C2orf42: variants seen among roughly 807,000 people sequenced by gnomAD.
C2orf42 encodes chromosome 2 open reading frame 42, also known as uncharacterized protein C2orf42.
Under a neutral mutation model 58.9 loss-of-function variants are expected in C2orf42, and 44 were observed. The ratio of observed to expected loss-of-function variants is 0.75; its 90% CI spans 0.59 to 0.96. C2orf42 has a LOEUF of 0.96. C2orf42 is among the 40% of genes least tolerant of loss of function. The pLI, the probability that C2orf42 is intolerant of heterozygous loss-of-function variation, is 0.00. For missense variants in C2orf42, 630 were observed against 699.2 expected (o/e 0.90, Z 1.12); for synonymous variants, 239 against 265.4 (o/e 0.90, Z 0.97).
chr2:70,154,024 G>A (rs1429087033), intron 9 of C2orf42, among the ~76,000 whole-genome samples: 8 of 150,834 alleles, frequency 5.3e-5, no homozygotes, highest in African/African-American at 2.0e-4. Flanking sequence ...CTGCACTCCA[G>A]CCTGGGTGAC....
intron 9 of C2orf42, among the ~76,000 whole-genome samples, chr2:70,158,544 G>A (rs1672847441): frequency 6.6e-6 from 1 of 152,018 alleles, no homozygotes; most frequent in African/African-American, 2.4e-5. Context: ...CCACCTCCTG[G>A]GTTCAAGCAA....
At chr2:70,172,367 A>G (rs1673883537) in intron 5 of C2orf42, among the ~76,000 whole-genome samples, 1 of 151,762 alleles carries the variant, frequency 6.6e-6, no homozygotes, top group South Asian at 2.1e-4. Flanking sequence ...CAGATCTATC[A>G]TTCTATTTCT....
At chr2:70,169,404 G>A (rs909037562) in intron 6 of C2orf42, among the ~76,000 whole-genome samples, 153 bp downstream of exon 6, 4 of 151,946 alleles carry the variant, frequency 2.6e-5, no homozygotes, top group Admixed American at 2.6e-4. Context: ...CTATGTGATT[G>A]TTTTTTTCTT....
In C2orf42 at chr2:70,181,773, A is replaced by G. The variant is rs1674592592; in HGVS notation, c.213T>C (p.Asp71=). ...TTTGCCGCACTGAGTAGACCTGAAG[A>G]TCAGAGCCTGTAATGATTTTGACAG... ...VEAVKIITGS[D]LQVYSVRQRD... Residue 71 remains aspartate, a synonymous_variant, in exon 3 of 10, where the codon GAT becomes GAC. Transcript: ENST00000264434. 1.2e-6 allele frequency: 2 copies of G among 1,614,110 alleles called. No homozygotes were observed. Among genetic ancestry groups the G allele is most frequent in the African/African-American group, 1.3e-5 (1 of 75,034 alleles).
At chr2:70,187,646 T>C (rs546709068) in intron 1 of C2orf42, among the ~76,000 whole-genome samples, 102 of 152,346 alleles carry the variant, frequency 6.7e-4, no homozygotes, top group Non-Finnish European at 1.0e-3. Flanking sequence ...ATGCTTTCAA[T>C]TTTGCAATAA....
chr2:70,181,155 C>A lies in C2orf42; in HGVS notation c.823+8G>T, dbSNP rs1674535855. On this transcript the variant is annotated splice_region_variant and intron_variant, in intron 3 of 9. Coordinates refer to ENST00000264434, the MANE Select transcript of C2orf42 (RefSeq NM_017880.3). ...AAACGTAATAACCACATCAACCATA[C>A]CACCTACCGCTGGAATCAAAATTTA... 1.3e-6 allele frequency: 2 copies of A among 1,513,280 alleles called. No individual in the cohort carries two copies. The highest frequency in any genetic ancestry group is 2.0e-5 in the Admixed American group (1 of 49,354). 93.7% of individuals were successfully genotyped at this position (1,513,280 alleles called of 1,614,324 possible). A position where few individuals can be genotyped will look rare whatever the true frequency, so the allele number is the denominator to read the frequency against.
intron 8 of C2orf42, among the ~76,000 whole-genome samples, chr2:70,163,809 C>T (rs978188008): frequency 3.3e-5 from 5 of 151,966 alleles, no homozygotes; most frequent in African/African-American, 1.2e-4. Flanking sequence ...GAGATCGTGC[C>T]ACTGCACTGC....
intron 4 of C2orf42, 117 bp downstream of exon 4, chr2:70,179,414 TA>T: frequency 2.8e-6 from 1 of 362,824 alleles, no homozygotes. Context: ...TTTATTTTAA[TA>T]AAAATAAAAT....
At chr2:70,179,051 A>T (rs1402227091) in intron 4 of C2orf42, among the ~76,000 whole-genome samples, 2 of 152,156 alleles carry the variant, frequency 1.3e-5, no homozygotes, top group African/African-American at 2.4e-5. Flanking sequence ...TTGTCACAAA[A>T]TTTTTTTAAA....
intron 7 of C2orf42, 123 bp downstream of exon 7, chr2:70,165,405 C>T: frequency 1.5e-6 from 1 of 661,528 alleles, no homozygotes. Flanking sequence ...GCTTTGTGCT[C>T]CAGACATGTG....
Position 70,150,313 on chromosome 2 carries a change from G to T in C2orf42, c.*43C>A, listed in dbSNP as rs189311985. The T allele has an allele frequency of 1.3e-6, 2 of 1,536,014 alleles. No individual in the cohort carries two copies. The highest frequency in any genetic ancestry group is 1.7e-5 in the Admixed American group (1 of 59,884). ...GCATTTAAAGTTGTCAAGGGGTGGG[G>T]ATGTGCAAATTAAGCAGCAAAAGAT... On this transcript the variant is annotated 3_prime_UTR_variant, in exon 10 of 10. Transcript: ENST00000264434.
intron 8 of C2orf42, among the ~76,000 whole-genome samples, chr2:70,163,405 C>T (rs865984880): frequency 8.2e-4 from 124 of 151,700 alleles, no homozygotes; most frequent in African/African-American, 2.8e-3. Context: ...CCACCATGCC[C>T]GGCTAATTTT....
intron 9 of C2orf42, among the ~76,000 whole-genome samples, chr2:70,158,272 T>C (rs1298849208): frequency 1.3e-5 from 2 of 151,216 alleles, no homozygotes; most frequent in African/African-American, 4.9e-5. Flanking sequence ...AATTGGAAAC[T>C]AAGAATATGA....
At chr2:70,188,483 C>T (rs1228699855) in intron 1 of C2orf42, among the ~76,000 whole-genome samples, 1 of 152,210 alleles carries the variant, frequency 6.6e-6, no homozygotes, top group East Asian at 1.9e-4. Context: ...AGCCGCTATG[C>T]CTGGCCTCAA....
intron 1 of C2orf42, among the ~76,000 whole-genome samples, chr2:70,185,905 T>C (rs970177617): frequency 1.3e-5 from 2 of 150,664 alleles, no homozygotes; most frequent in Non-Finnish European, 2.9e-5. Context: ...TTCTTTGTTG[T>C]GGGGGCTATC....
chr2:70,175,115 CAT>C (rs758980791), intron 5 of C2orf42, among the ~76,000 whole-genome samples: 1 of 151,988 alleles, frequency 6.6e-6, no homozygotes, highest in Non-Finnish European at 1.5e-5. Context: ...TTTAATTACA[CAT>C]ATGTTTTGTT....
intron 9 of C2orf42, among the ~76,000 whole-genome samples, chr2:70,157,378 CCAG>C (rs1672743444): frequency 6.6e-6 from 1 of 152,090 alleles, no homozygotes; most frequent in South Asian, 2.1e-4. Context: ...GGCGTGAACC[CCAG>C]GGGGCGGAGC....
intron 8 of C2orf42, among the ~76,000 whole-genome samples, chr2:70,161,377 A>G (rs1673039896): frequency 6.6e-6 from 1 of 152,210 alleles, no homozygotes; most frequent in African/African-American, 2.4e-5. Flanking sequence ...CATGATGGTT[A>G]GCTCTATTCT....
rs544786292 is a variant in C2orf42, at chr2:70,150,043, C to CA, written c.*312dup. 8.1e-4 allele frequency: 299 copies of CA among 367,902 alleles called. No individual in the cohort carries two copies. Among genetic ancestry groups the CA allele is most frequent in the African/African-American group, 5.3e-3 (255 of 48,144 alleles). 22.8% of individuals were successfully genotyped at this position (367,902 alleles called of 1,614,324 possible). ...TGCTGCAGATTTCTCAGAGAATTAG[C>CA]AAAAGGTTGAAATAAACGCTAAAGA... On this transcript the variant is annotated 3_prime_UTR_variant, in exon 10 of 10. Transcript: ENST00000264434.
Sources: allele counts gnomAD v4.1 joint callset (sites outside exome capture counted in the v4.1 genomes callset), GRCh38; gene constraint gnomAD v4.1.1; transcripts MANE v1.5; gene names NCBI Gene and HGNC (gene_info 2026-07-23, HGNC 2026-07-21).